PLXDC2: variants seen among roughly 807,000 people sequenced by gnomAD.
PLXDC2 encodes the protein plexin domain-containing protein 2.
Under a neutral mutation model 68.9 loss-of-function variants are expected in PLXDC2, and 40 were observed. That is an observed-to-expected ratio of 0.58 (90% CI 0.45 to 0.76). PLXDC2 has a LOEUF of 0.76. Ranked by LOEUF, PLXDC2 falls within the 30% of genes least tolerant of loss-of-function variation. PLXDC2 has a pLI of 0.00. For missense variants in PLXDC2, 644 were observed against 661.9 expected (o/e 0.97, Z 0.30); for synonymous variants, 243 against 234.2 (o/e 1.04, Z -0.34).
In PLXDC2 at chr10:20,051,182, A is replaced by T. The variant is rs548522896; in HGVS notation, c.471+4167A>T. 5.3e-5 allele frequency among the ~76,000 whole-genome samples: 8 copies of T among 151,988 alleles called. No homozygotes were observed. The East Asian group carries it at 1.6e-3, about 30-fold the overall frequency. On this transcript the variant is annotated intron_variant, in intron 3 of 13. Transcript: ENST00000377252. ...TCTCACTTATAAGTGGAGCTAAAAG[A>T]TGAGAAGTTATGAACACAAAGTAGG...
At chr10:19,839,006 T>C (rs542503055) in intron 1 of PLXDC2, among the ~76,000 whole-genome samples, 60 of 151,986 alleles carry the variant, frequency 3.9e-4, no homozygotes, top group African/African-American at 1.4e-3. Context: ...GCCAACATGG[T>C]GAAACCCCGT....
chr10:19,899,000 G>C (rs1037609434), intron 1 of PLXDC2, among the ~76,000 whole-genome samples: 13 of 152,078 alleles, frequency 8.5e-5, no homozygotes, highest in African/African-American at 3.1e-4. Context: ...AAGAGAAATA[G>C]AAATGAATAC....
intron 4 of PLXDC2, among the ~76,000 whole-genome samples, chr10:20,137,775 G>A (rs972883867): frequency 4.6e-5 from 7 of 152,254 alleles, no homozygotes; most frequent in Non-Finnish European, 1.0e-4. Flanking sequence ...GCCGTTGTCT[G>A]TGTGGAGTTC....
rs374417926 is a variant in PLXDC2 at position 20,225,784 on chromosome 10, T to A, written c.1312+6682T>A. 5.9e-5 allele frequency among the ~76,000 whole-genome samples: 9 copies of A among 151,982 alleles called. No individual in the cohort carries two copies. The East Asian group carries it at 9.6e-4, about 16-fold the overall frequency. ...ACTATTCTCCATAACAATTAAATAT[T>A]AGCCTCTAGGGCTGGAACCTGAGCA... On this transcript the variant is annotated intron_variant, in intron 12 of 13. Transcript: ENST00000377252.
intron 4 of PLXDC2, among the ~76,000 whole-genome samples, chr10:20,131,862 C>T (rs1350950292): frequency 1.3e-5 from 2 of 151,894 alleles, no homozygotes; most frequent in African/African-American, 4.8e-5. Context: ...TTCCTTCCTT[C>T]TGCTAACTCT....
chr10:19,995,658 C>G, intron 1 of PLXDC2, among the ~76,000 whole-genome samples: 1 of 152,204 alleles, frequency 6.6e-6, no homozygotes, highest in East Asian at 1.9e-4. Context: ...TTGCAAATAG[C>G]ACTTTCTAAG....
intron 9 of PLXDC2, among the ~76,000 whole-genome samples, chr10:20,209,644 T>C (rs561940454): frequency 1.3e-5 from 2 of 152,306 alleles, no homozygotes; most frequent in African/African-American, 4.8e-5. Flanking sequence ...TTTAAGGTTA[T>C]CTCTCTTGTT....
intron 4 of PLXDC2, among the ~76,000 whole-genome samples, chr10:20,123,685 G>A (rs986361904): frequency 2.6e-5 from 4 of 151,992 alleles, no homozygotes; most frequent in Non-Finnish European, 2.9e-5. Context: ...GTAGAGACAC[G>A]GAGGGAAGGG....
At chr10:19,946,871 A>G (rs1461791804) in intron 1 of PLXDC2, among the ~76,000 whole-genome samples, 2 of 152,076 alleles carry the variant, frequency 1.3e-5, no homozygotes, top group African/African-American at 4.8e-5. Flanking sequence ...GGTGGAGCTC[A>G]GGCGGTAATA....
At chr10:20,060,893 G>T (rs963598493) in intron 3 of PLXDC2, among the ~76,000 whole-genome samples, 1 of 152,166 alleles carries the variant, frequency 6.6e-6, no homozygotes, top group Non-Finnish European at 1.5e-5. Flanking sequence ...AAATTATACA[G>T]TTGTCAAGAT....
intron 9 of PLXDC2, among the ~76,000 whole-genome samples, chr10:20,210,960 C>T (rs891027252): frequency 2.6e-5 from 4 of 152,092 alleles, no homozygotes; most frequent in Non-Finnish European, 5.9e-5. Context: ...CAGCTCTCCC[C>T]AGGGTCAAAC....
Position 20,204,577 on chromosome 10 carries a change from A to G in PLXDC2, c.1062-7092A>G, listed in dbSNP as rs570114622. Among the ~76,000 whole-genome samples, 49 of 152,312 alleles carry G rather than the reference A, an allele frequency of 3.2e-4. 1 individual carries two copies. The South Asian group carries it at 8.7e-3, about 27-fold the overall frequency. On this transcript the variant is annotated intron_variant, in intron 9 of 13. Coordinates refer to ENST00000377252, the MANE Select transcript of PLXDC2 (RefSeq NM_032812.9). The stretch of plus-strand genomic sequence containing the variant: ...GGCTAAAAGGATCATATAAATCACC[A>G]GATAATTCGATGTAATATTTGTCCA...
chr10:19,940,254 C>T (rs903337614), intron 1 of PLXDC2, among the ~76,000 whole-genome samples: 21 of 149,056 alleles, frequency 1.4e-4, no homozygotes, highest in Admixed American at 1.1e-3. Flanking sequence ...GTGATTTGTA[C>T]GAAGATGCCT....
intron 1 of PLXDC2, among the ~76,000 whole-genome samples, chr10:19,972,634 G>A (rs1158237792): frequency 1.3e-5 from 2 of 152,068 alleles, no homozygotes; most frequent in African/African-American, 4.8e-5. Flanking sequence ...CATCTCCCAC[G>A]ATAAAAGTTG....
chr10:20,117,259 T>C (rs1319995710), intron 4 of PLXDC2, among the ~76,000 whole-genome samples: 1 of 152,160 alleles, frequency 6.6e-6, no homozygotes, highest in Non-Finnish European at 1.5e-5. Flanking sequence ...AATTAAAAGA[T>C]TTCCAAGAGT....
At chr10:20,154,108 T>C (rs1834186816) in intron 6 of PLXDC2, among the ~76,000 whole-genome samples, 1 of 152,134 alleles carries the variant, frequency 6.6e-6, no homozygotes, top group Non-Finnish European at 1.5e-5. Flanking sequence ...AAACTCTCAT[T>C]TTCCTATTCT....
At chr10:20,004,041 C>G (rs1001655875) in intron 2 of PLXDC2, among the ~76,000 whole-genome samples, 3 of 152,120 alleles carry the variant, frequency 2.0e-5, no homozygotes, top group African/African-American at 7.2e-5. Flanking sequence ...AGGCAGCATT[C>G]TTTTTACTGC....
chr10:20,246,908 G>T (rs541367305), intron 13 of PLXDC2, among the ~76,000 whole-genome samples: 68 of 152,108 alleles, frequency 4.5e-4, no homozygotes, highest in Non-Finnish European at 7.5e-4. Context: ...AATGGGGAGG[G>T]GTGAATAAAT....
chr10:19,935,696 A>G (rs1833711864), intron 1 of PLXDC2, among the ~76,000 whole-genome samples: 1 of 152,214 alleles, frequency 6.6e-6, no homozygotes, highest in Non-Finnish European at 1.5e-5. Flanking sequence ...CCTGTTCACA[A>G]TAATGACAAT....
Sources: gnomAD v4.1 joint callset for allele counts (sites outside exome capture counted in the v4.1 genomes callset) on GRCh38, gnomAD v4.1.1 for gene constraint, MANE v1.5 for transcripts, NCBI Gene and HGNC (gene_info 2026-07-23, HGNC 2026-07-21) for gene names.